NALF1: variants seen among roughly 807,000 people sequenced by gnomAD.
NALF1 encodes family with sequence similarity 155 member A.
NALF1 carries 3 observed loss-of-function variants against 48.4 expected under a neutral mutation model. The observed-to-expected ratio is 0.06, with a 90% CI of 0.03 to 0.16. The LOEUF is 0.16. NALF1 is among the 10% of genes least tolerant of loss of function. NALF1 has a pLI of 1.00. For missense variants in NALF1, 526 were observed against 571.5 expected (o/e 0.92, Z 0.81); for synonymous variants, 262 against 245.7 (o/e 1.07, Z -0.62).
At chr13:107,548,659 TTC>T (rs1443246727) in intron 1 of NALF1, among the ~76,000 whole-genome samples, 1 of 151,956 alleles carries the variant, frequency 6.6e-6, no homozygotes, top group African/African-American at 2.4e-5. Flanking sequence ...TCCTTAAGCT[TTC>T]CAGACTGTTC....
At chr13:107,805,457 T>C (rs1006393514) in intron 1 of NALF1, among the ~76,000 whole-genome samples, 6 of 152,158 alleles carry the variant, frequency 3.9e-5, no homozygotes, top group African/African-American at 1.4e-4. Flanking sequence ...CAAGATAATT[T>C]TACTCCTTAA....
At chr13:107,384,858 G>A (rs976423192) in intron 1 of NALF1, among the ~76,000 whole-genome samples, 13 of 152,178 alleles carry the variant, frequency 8.5e-5, no homozygotes, top group African/African-American at 2.7e-4. Flanking sequence ...GGATGCAACA[G>A]GGAGTGTGTT....
intron 1 of NALF1, among the ~76,000 whole-genome samples, chr13:107,416,765 A>T (rs1244132325): frequency 1.3e-5 from 2 of 152,174 alleles, no homozygotes; most frequent in Non-Finnish European, 2.9e-5. Flanking sequence ...GGGTCACTTG[A>T]ATTATTGTAT....
At chr13:107,186,770 T>C (rs537891868) in intron 2 of NALF1, among the ~76,000 whole-genome samples, 1 of 152,318 alleles carries the variant, frequency 6.6e-6, no homozygotes, top group East Asian at 1.9e-4. Context: ...ACAGACATAG[T>C]AGCTTTAAAT....
In NALF1 at chr13:107,441,869, T is replaced by A. The variant is rs932247835; in HGVS notation, c.916-231114A>T. ...CACAAAATCCGTAGGTTTGATCATA[T>A]AAGTGAATGTGCAATAGGAAATATT... On this transcript the variant is annotated intron_variant, in intron 1 of 2. Transcript: ENST00000375915. Among the ~76,000 whole-genome samples, 8 of 152,294 alleles carry A rather than the reference T, an allele frequency of 5.3e-5. No individual in the cohort carries two copies. The South Asian group carries it at 8.3e-4, about 16-fold the overall frequency.
chr13:107,223,742 T>G (rs772039068), intron 1 of NALF1, among the ~76,000 whole-genome samples: 7 of 152,204 alleles, frequency 4.6e-5, no homozygotes, highest in Non-Finnish European at 1.0e-4. Context: ...TTCTGTTCTC[T>G]AAGTGTGTTG....
chr13:107,288,564 T>C (rs1881551036), intron 1 of NALF1, among the ~76,000 whole-genome samples: 1 of 122,068 alleles, frequency 8.2e-6, no homozygotes, highest in Non-Finnish European at 1.7e-5. Context: ...TCGCTCTTGC[T>C]CTTGTTGCCC....
intron 1 of NALF1, among the ~76,000 whole-genome samples, chr13:107,657,187 C>A (rs1880603555): frequency 6.6e-6 from 1 of 151,764 alleles, no homozygotes; most frequent in Non-Finnish European, 1.5e-5. Context: ...AAAAATTAAA[C>A]AAAAATTTAA....
At position 107,842,529 on chromosome 13, in the gene NALF1, G is replaced by GT. The variant is rs1208551251; in HGVS notation, c.915+23152dup. Among the ~76,000 whole-genome samples the GT allele has an allele frequency of 1.8e-3, 272 of 147,942 alleles. 1 individual carries two copies. Among genetic ancestry groups the GT allele is most frequent in the African/African-American group, 3.3e-3 (135 of 40,476 alleles). On this transcript the variant is annotated intron_variant, in intron 1 of 2. Transcript: ENST00000375915. ...GTTTTTGTGGTAAAGTATCTTTAGA[G>GT]TTTTTTTTTTATTTTAGTGTCTCAA...
chr13:107,554,772 C>T (rs1250363974), intron 1 of NALF1, among the ~76,000 whole-genome samples: 1 of 152,140 alleles, frequency 6.6e-6, no homozygotes, highest in African/African-American at 2.4e-5. Flanking sequence ...GCAAGTTTCT[C>T]GACCTCTCCA....
intron 1 of NALF1, among the ~76,000 whole-genome samples, chr13:107,728,228 C>T (rs1876213110): frequency 6.6e-6 from 1 of 152,192 alleles, no homozygotes; most frequent in Non-Finnish European, 1.5e-5. Context: ...AAGACACATG[C>T]CCATGTATGT....
chr13:107,305,543 T>C (rs1881920308), intron 1 of NALF1, among the ~76,000 whole-genome samples: 1 of 152,196 alleles, frequency 6.6e-6, no homozygotes, highest in Non-Finnish European at 1.5e-5. Context: ...GAGAGGATAA[T>C]GCTTGTAATC....
intron 1 of NALF1, among the ~76,000 whole-genome samples, chr13:107,295,317 A>T (rs985879040): frequency 5.3e-5 from 8 of 152,164 alleles, no homozygotes; most frequent in Non-Finnish European, 1.0e-4. Flanking sequence ...AAAGGACATG[A>T]TTTCATTATT....
At chr13:107,540,421 T>C (rs1876968002) in intron 1 of NALF1, among the ~76,000 whole-genome samples, 1 of 152,138 alleles carries the variant, frequency 6.6e-6, no homozygotes, top group Non-Finnish European at 1.5e-5. Context: ...TTTAAATTTC[T>C]AACTTCTCTA....
intron 1 of NALF1, among the ~76,000 whole-genome samples, chr13:107,311,832 C>T (rs1328954871): frequency 6.6e-6 from 1 of 152,166 alleles, no homozygotes; most frequent in East Asian, 1.9e-4. Context: ...TGCTCATCAT[C>T]ACTGGCCATC....
chr13:107,808,936 T>C (rs1878899606), intron 1 of NALF1, among the ~76,000 whole-genome samples: 1 of 152,128 alleles, frequency 6.6e-6, no homozygotes, highest in Non-Finnish European at 1.5e-5. Context: ...CCTGTGACTA[T>C]GCAGACCTGC....
chr13:107,533,693 G>C (rs942062914), intron 1 of NALF1, among the ~76,000 whole-genome samples: 3 of 152,012 alleles, frequency 2.0e-5, no homozygotes, highest in African/African-American at 4.8e-5. Flanking sequence ...TATTCCAAAG[G>C]CCATCTTTCA....
At chr13:107,191,334 G>A (rs527387752) in intron 2 of NALF1, among the ~76,000 whole-genome samples, 109 of 151,738 alleles carry the variant, frequency 7.2e-4, no homozygotes, top group Non-Finnish European at 1.1e-3. Context: ...AAAAATAACA[G>A]AATTTAACAC....
chr13:107,839,697 T>TAA (rs57550104), intron 1 of NALF1, among the ~76,000 whole-genome samples: 12,886 of 151,908 alleles, frequency 0.085, 660 homozygotes, highest in East Asian at 0.16. Context: ...AAAAAACTCT[T>TAA]AAGTATTATT....
Sources: allele counts gnomAD v4.1 joint callset (sites outside exome capture counted in the v4.1 genomes callset), GRCh38; gene constraint gnomAD v4.1.1; transcripts MANE v1.5; gene names NCBI Gene and HGNC (gene_info 2026-07-23, HGNC 2026-07-21).